RAB3IL1: variants seen among roughly 807,000 people sequenced by gnomAD.
The protein encoded by RAB3IL1 is RAB3A interacting protein like 1.
In RAB3IL1, 37 loss-of-function variants were observed where a neutral mutation model predicts 49.2. The observed-to-expected ratio is 0.75, with a 90% CI of 0.58 to 0.99. The LOEUF (loss-of-function observed/expected upper bound fraction) is 0.99. Among genes scored for constraint, RAB3IL1 ranks in the 50% least tolerant of loss-of-function variants. The probability of loss-of-function intolerance (pLI) is 0.00; values close to 1 mark genes in which losing one functional copy is unlikely to be tolerated. For missense variants in RAB3IL1, 484 were observed against 513.0 expected (o/e 0.94, Z 0.55); for synonymous variants, 193 against 213.9 (o/e 0.90, Z 0.85).
At chr11:61,905,667 G>A (rs1434732467) in intron 5 of RAB3IL1, among the ~76,000 whole-genome samples, 6 of 134,558 alleles carry the variant, frequency 4.5e-5, no homozygotes, top group African/African-American at 1.2e-4. Flanking sequence ...GGGCCTGCTC[G>A]TCTTCCCTGG....
At chr11:61,933,570 T>C in the RAB3IL1 span, among the ~76,000 whole-genome samples, 2 of 152,146 alleles carry the variant, frequency 1.3e-5, no homozygotes, top group East Asian at 3.9e-4. Flanking sequence ...TTAAAAAAAG[T>C]AATGCAGATT....
chr11:61,920,636 G>C (rs1939881234), upstream of RAB3IL1, among the ~76,000 whole-genome samples: 1 of 152,216 alleles, frequency 6.6e-6, no homozygotes, highest in Non-Finnish European at 1.5e-5. Flanking sequence ...TTAAAACTTT[G>C]TTATTGGTGG....
intron 4 of RAB3IL1, among the ~76,000 whole-genome samples, chr11:61,907,100 G>T (rs1565362081): frequency 6.6e-6 from 1 of 152,200 alleles, no homozygotes; most frequent in Non-Finnish European, 1.5e-5. Context: ...TTGTAAAGTG[G>T]GGCTGGGAGG....
At chr11:61,934,450 G>GTGTATGTATGTGTATA in the RAB3IL1 span, among the ~76,000 whole-genome samples, 10 of 31,604 alleles carry the variant, frequency 3.2e-4, no homozygotes, top group Non-Finnish European at 6.3e-4. Flanking sequence ...GTGTGTGTAT[G>GTGTATGTATGTGTATA]TATATATATA....
At chr11:61,900,263 G>A (rs1355320931) in intron 8 of RAB3IL1, among the ~76,000 whole-genome samples, 1 of 152,214 alleles carries the variant, frequency 6.6e-6, no homozygotes. Flanking sequence ...CCTGGGAGCT[G>A]CACACAATCT....
chr11:61,938,803 G>A, the RAB3IL1 span, among the ~76,000 whole-genome samples: 3 of 152,076 alleles, frequency 2.0e-5, no homozygotes, highest in African/African-American at 4.8e-5. Flanking sequence ...GTGTGTGCCT[G>A]TAATCCCAGC....
At chr11:61,935,631 C>T in the RAB3IL1 span, among the ~76,000 whole-genome samples, 1 of 152,008 alleles carries the variant, frequency 6.6e-6, no homozygotes, top group Non-Finnish European at 1.5e-5. Flanking sequence ...TCTACTGCCT[C>T]AGCCTCCCGA....
Position 61,902,473 on chromosome 11 carries a change from T to C in RAB3IL1, c.968A>G (p.His323Arg). ...HRIRLGDSKS[H>R]YYISPSSRAR... ...CCGGGAAGATGGCGAGATGTAGTAA[T>C]GGCTTTTGGAGTCCCCGAGCCGGAT... The change falls in exon 8 of 10, where the codon CAT becomes CGT. Residue 323 changes from histidine (H) to arginine (R), a missense_variant. By Grantham distance (29) the His-to-Arg change is conservative. Coordinates refer to ENST00000394836, the MANE Select transcript of RAB3IL1 (RefSeq NM_013401.4). The C allele has an allele frequency of 1.2e-6, 2 of 1,601,738 alleles. No individual in the cohort carries two copies. Among genetic ancestry groups the C allele is most frequent in the Non-Finnish European group, 1.7e-6 (2 of 1,176,002 alleles).
In RAB3IL1 at chr11:61,904,848, C is replaced by T. The variant is rs760661394; in HGVS notation, c.692G>A (p.Trp231Ter). The change falls in exon 6 of 10, where the codon TGG (tryptophan) becomes TAG (stop). Residue 231 changes from tryptophan (W) to a stop codon, truncating the protein, a stop_gained. Coordinates refer to ENST00000394836, the MANE Select transcript of RAB3IL1 (RefSeq NM_013401.4). LOFTEE classifies it high-confidence loss of function. The part of the protein sequence containing the change: ...DTILFAEFQA[W>*]RESPTLDKTC... ...CTTGTCCAGGGTGGGGGATTCCCTCCAGGCCTGGAACTCTGCAAACAGGAT... is the reference window on the plus strand; with the variant it reads ...CTTGTCCAGGGTGGGGGATTCCCTCTAGGCCTGGAACTCTGCAAACAGGAT... 1 of 1,608,940 alleles carries T rather than the reference C, an allele frequency of 6.2e-7. No homozygotes were observed. The highest frequency in any genetic ancestry group is 8.5e-7 in the Non-Finnish European group (1 of 1,177,638).
At chr11:61,919,752 G>A (rs1406804170), upstream of RAB3IL1, among the ~76,000 whole-genome samples, 1 of 152,180 alleles carries the variant, frequency 6.6e-6, no homozygotes, top group Non-Finnish European at 1.5e-5. Context: ...AAGCCTGGCA[G>A]CCTTGACCAC....
At chr11:61,915,920 C>A (rs10897183) in intron 1 of RAB3IL1, among the ~76,000 whole-genome samples, 38,846 of 151,600 alleles carry the variant, frequency 0.26, 6,276 homozygotes, top group East Asian at 0.6. Context: ...CGCCTGTAGT[C>A]CCAGCTACTC....
the RAB3IL1 span, among the ~76,000 whole-genome samples, chr11:61,929,967 G>A: frequency 3.1e-5 from 4 of 127,760 alleles, no homozygotes; most frequent in African/African-American, 1.2e-4. Flanking sequence ...GTCTCGGCTC[G>A]CTGCAACCTT....
upstream of RAB3IL1, chr11:61,917,745 C>T (rs369912043): frequency 4.9e-6 from 1 of 202,334 alleles, no homozygotes; most frequent in Non-Finnish European, 8.8e-6. Context: ...CCGCGCCGCG[C>T]TCAGACTCCC....
the RAB3IL1 span, among the ~76,000 whole-genome samples, chr11:61,938,941 TAATAAATA>T: frequency 2.0e-5 from 3 of 150,478 alleles, no homozygotes; most frequent in Admixed American, 1.3e-4. Flanking sequence ...TAAAAAAAAG[TAATAAATA>T]AATAAATAAA....
intron 1 of RAB3IL1, among the ~76,000 whole-genome samples, chr11:61,914,123 TC>T (rs951875534): frequency 1.3e-5 from 2 of 152,168 alleles, no homozygotes; most frequent in Non-Finnish European, 2.9e-5. Flanking sequence ...CGGCCTCTAG[TC>T]CCCTGTGACT....
At chr11:61,926,104 C>CAAAAAAA in the RAB3IL1 span, among the ~76,000 whole-genome samples, 152 of 63,924 alleles carry the variant, frequency 2.4e-3, 5 homozygotes, top group East Asian at 3.9e-3. Flanking sequence ...TCCTTCCTGC[C>CAAAAAAA]AAAAAAAAAA....
intron 1 of RAB3IL1, among the ~76,000 whole-genome samples, chr11:61,912,726 C>T (rs374194872): frequency 3.9e-5 from 6 of 151,956 alleles, no homozygotes; most frequent in African/African-American, 1.2e-4. Flanking sequence ...GGATGAATGG[C>T]GGTTTTGGAG....
rs759998422 is a variant in RAB3IL1 at position 61,904,640 on chromosome 11, CCCGTACCAGCA to C, written c.794_804del (p.Val265GlyfsTer11). ...GTGAGCGTGTTGTCCTCCACGGCGG[CCCGTACCAGCA>C]CCGAGAGCTGTGGCAGACCAGGGAG... On this transcript the variant is annotated frameshift_variant, in exon 7 of 10. Transcript: ENST00000394836. LOFTEE classifies it high-confidence loss of function. 6.2e-7 allele frequency: 1 copy of C among 1,611,470 alleles called. No homozygotes were observed. Among genetic ancestry groups the C allele is most frequent in the Non-Finnish European group, 8.5e-7 (1 of 1,178,996 alleles).
At chr11:61,916,261 G>T (rs769310457) in intron 1 of RAB3IL1, among the ~76,000 whole-genome samples, 1 of 151,456 alleles carries the variant, frequency 6.6e-6, no homozygotes, top group Non-Finnish European at 1.5e-5. Context: ...CAGGCGAATT[G>T]CTTGTACTCA....
Sources: gnomAD v4.1 joint callset for allele counts (sites outside exome capture counted in the v4.1 genomes callset) on GRCh38, gnomAD v4.1.1 for gene constraint, MANE v1.5 for transcripts, NCBI Gene and HGNC (gene_info 2026-07-23, HGNC 2026-07-21) for gene names.